The following ACER1 variants were observed in gnomAD, a reference collection of about 807,000 sequenced individuals.
The protein encoded by ACER1 is alkaline ceramidase 1.
ACER1 carries 28 observed loss-of-function variants against 24.9 expected under a neutral mutation model. The ratio of observed to expected loss-of-function variants is 1.13; its 90% confidence interval spans 0.83 to 1.54. ACER1 has a LOEUF of 1.54. Among genes scored for constraint, ACER1 ranks in the 40% most tolerant of loss-of-function variants. The pLI, the probability that ACER1 is intolerant of heterozygous loss-of-function variation, is 0.00. For missense variants in ACER1, 352 were observed against 349.3 expected, an observed-to-expected ratio of 1.01 and a Z score of -0.06; for synonymous variants, 132 against 131.4, an observed-to-expected ratio of 1.00 and a Z score of -0.03.
chr19:6,307,336 C>A (rs73559815), intron 4 of ACER1, 46 bp from the exon 5 acceptor site: 6 of 1,600,438 alleles, frequency 3.7e-6, no homozygotes, highest in Admixed American at 3.5e-5. Flanking sequence ...GAGAGCAGCA[C>A]CTGATGGGGC....
chr19:6,311,363 G>A (rs906128131), intron 3 of ACER1, among the ~76,000 whole-genome samples: 1 of 151,884 alleles, frequency 6.6e-6, no homozygotes, highest in African/African-American at 2.4e-5. Context: ...GGCCAACATG[G>A]TGAAACCGTC....
chr19:6,333,024 A>G (rs75366250), intron 1 of ACER1, among the ~76,000 whole-genome samples: 7,568 of 152,150 alleles, frequency 0.05, 288 homozygotes, highest in African/African-American at 0.11. Flanking sequence ...ACACTGGGAC[A>G]AGTTGGTCAG....
chr19:6,354,972 G>A, the ACER1 span, among the ~76,000 whole-genome samples: 13 of 152,234 alleles, frequency 8.5e-5, no homozygotes, highest in Admixed American at 3.9e-4. Context: ...GCAGGCGCGC[G>A]CCACCACGCC....
rs1447540192 is a variant in ACER1, at chr19:6,323,366, A to G, written c.93+10093T>C. ...ACCCTAGGGGGCAGAGCCTGCAGTG[A>G]GCAGAGATCACGCCACTGCACTCCA... On this transcript the variant is annotated intron_variant, in intron 1 of 5. Coordinates refer to ENST00000301452, the MANE Select transcript of ACER1 (RefSeq NM_133492.3). Among the ~76,000 whole-genome samples the G allele has an allele frequency of 2.0e-5, 3 of 151,686 alleles. No individual in the cohort carries two copies. The East Asian group carries it at 5.8e-4, about 29-fold the overall frequency.
At chr19:6,326,662 G>T (rs533971896) in intron 1 of ACER1, among the ~76,000 whole-genome samples, 4 of 151,772 alleles carry the variant, frequency 2.6e-5, no homozygotes, top group African/African-American at 9.7e-5. Flanking sequence ...TCCTCTCTCC[G>T]CCTCAAGCTA....
the ACER1 span, among the ~76,000 whole-genome samples, chr19:6,354,251 C>A: frequency 6.6e-6 from 1 of 151,448 alleles, no homozygotes; most frequent in Non-Finnish European, 1.5e-5. Flanking sequence ...CAGCTGGGAG[C>A]GACTCTGCCC....
At chr19:6,347,098 C>CAA in the ACER1 span, among the ~76,000 whole-genome samples, 7,558 of 81,626 alleles carry the variant, frequency 0.093, 395 homozygotes, top group Admixed American at 0.19. Context: ...CCTGTCTCTA[C>CAA]AAAAAAAAAA....
At chr19:6,309,480 C>A (rs1277417864) in intron 4 of ACER1, among the ~76,000 whole-genome samples, 1 of 151,908 alleles carries the variant, frequency 6.6e-6, no homozygotes, top group Non-Finnish European at 1.5e-5. Context: ...CAAGATCACG[C>A]CCCTGCACTC....
intron 1 of ACER1, among the ~76,000 whole-genome samples, chr19:6,316,819 CAA>C (rs1167612498): frequency 1.7e-4 from 14 of 84,802 alleles, no homozygotes; most frequent in Admixed American, 4.0e-4. Context: ...GACTCCCTCT[CAA>C]AAAAAAAAAA....
chr19:6,334,766 C>T (rs934622309), upstream of ACER1, among the ~76,000 whole-genome samples: 2 of 151,864 alleles, frequency 1.3e-5, no homozygotes, highest in African/African-American at 4.8e-5. Context: ...CAAAGGAAGA[C>T]AGAGATAAAG....
chr19:6,349,040 A>T, the ACER1 span, among the ~76,000 whole-genome samples: 1 of 151,566 alleles, frequency 6.6e-6, no homozygotes, highest in African/African-American at 2.4e-5. Flanking sequence ...TGGGCAACAG[A>T]GCGAGACTCC....
At chr19:6,341,692 A>G in the ACER1 span, among the ~76,000 whole-genome samples, 1 of 147,774 alleles carries the variant, frequency 6.8e-6, no homozygotes, top group South Asian at 2.1e-4. Flanking sequence ...ATGGTGCAGC[A>G]GCCTCCACTC....
rs748748698 is a variant in ACER1 at position 6,309,699 on chromosome 19, C to A, written c.486G>T (p.Arg162Ser). 1.2e-6 allele frequency: 2 copies of A among 1,613,866 alleles called. 1 individual carries two copies. The highest frequency in any genetic ancestry group is 2.2e-5 in the South Asian group (2 of 91,060). Residue 162 changes from arginine to serine, a missense_variant and splice_region_variant, in exon 4 of 6, where the codon AGG becomes AGT. Physicochemically the swap from Arg to Ser is moderately radical, Grantham distance 110. Coordinates refer to ENST00000301452, the MANE Select transcript of ACER1 (RefSeq NM_133492.3). ...AGGCACCTGCAGCCTTCACTCACTT[C>A]CTGTACTCCTGGCACACGATGTAGA... ...HILYIVCQEY[R>S]KTSNKELRHL...
At chr19:6,354,811 C>G in the ACER1 span, among the ~76,000 whole-genome samples, 2 of 133,386 alleles carry the variant, frequency 1.5e-5, no homozygotes, top group Admixed American at 1.4e-4. Context: ...TCCCTCTCCC[C>G]CCTCTCCCTT....
intron 1 of ACER1, among the ~76,000 whole-genome samples, chr19:6,313,041 GTTCA>G (rs933214531): frequency 1.3e-5 from 2 of 152,044 alleles, no homozygotes; most frequent in African/African-American, 4.8e-5. Context: ...TCCGTTATTG[GTTCA>G]TTCATTCATT....
the ACER1 span, among the ~76,000 whole-genome samples, chr19:6,351,141 C>T: frequency 3.4e-5 from 5 of 147,642 alleles, no homozygotes; most frequent in African/African-American, 1.2e-4. Flanking sequence ...CTGAGGCGGG[C>T]GGATCACGAG....
the ACER1 span, among the ~76,000 whole-genome samples, chr19:6,338,907 T>C: frequency 5.6e-5 from 8 of 143,868 alleles, no homozygotes; most frequent in Admixed American, 1.4e-4. Context: ...AGACCGAGTC[T>C]CTTCCTGTCA....
At chr19:6,347,160 C>A in the ACER1 span, among the ~76,000 whole-genome samples, 66 of 143,780 alleles carry the variant, frequency 4.6e-4, no homozygotes, top group Admixed American at 3.5e-3. Context: ...AAGTTACAGA[C>A]CCCCTCGTCC....
chr19:6,315,766 T>C (rs1472804498), intron 1 of ACER1, among the ~76,000 whole-genome samples: 1 of 151,822 alleles, frequency 6.6e-6, no homozygotes, highest in Non-Finnish European at 1.5e-5. Context: ...CCACCCGCCT[T>C]GGCCTCCCAA....
Sources: gnomAD v4.1 joint callset for allele counts (sites outside exome capture counted in the v4.1 genomes callset) on GRCh38, gnomAD v4.1.1 for gene constraint, MANE v1.5 for transcripts, NCBI Gene and HGNC (gene_info 2026-07-23, HGNC 2026-07-21) for gene names.